Variants in ADGRL3 observed in about 807,000 individuals in gnomAD.
ADGRL3 encodes the protein calcium-independent alpha-latrotoxin receptor 3.
Under a neutral mutation model 153.5 loss-of-function variants are expected in ADGRL3, and 62 were observed. That is an observed-to-expected ratio of 0.40 (90% CI 0.33 to 0.50). ADGRL3 has a LOEUF of 0.50. Ranked by LOEUF, ADGRL3 falls within the 20% of genes least tolerant of loss-of-function variation. The pLI, the probability that ADGRL3 is intolerant of heterozygous loss-of-function variation, is 0.47. For missense variants in ADGRL3, 1,641 were observed against 1,859.4 expected (o/e 0.88, Z 2.16); for synonymous variants, 710 against 672.5 (o/e 1.06, Z -0.86).
chr4:61,799,563 T>G (rs1435331688), intron 8 of ADGRL3, among the ~76,000 whole-genome samples: 1 of 152,140 alleles, frequency 6.6e-6, no homozygotes, highest in South Asian at 2.1e-4. Context: ...CTATGAAATA[T>G]CTATCAATAG....
chr4:61,957,091 A>G (rs2098970054), intron 17 of ADGRL3, among the ~76,000 whole-genome samples: 1 of 152,144 alleles, frequency 6.6e-6, no homozygotes, highest in African/African-American at 2.4e-5. Context: ...TGGCAGTTTG[A>G]TGGAAATATC....
At chr4:61,563,738 G>T (rs926333601) in intron 4 of ADGRL3, among the ~76,000 whole-genome samples, 3 of 152,096 alleles carry the variant, frequency 2.0e-5, no homozygotes, top group Non-Finnish European at 4.4e-5. Context: ...GGCCAGGCAC[G>T]GTGGCTCACG....
chr4:61,431,586 C>T (rs940015223), intron 2 of ADGRL3, among the ~76,000 whole-genome samples: 1 of 152,080 alleles, frequency 6.6e-6, no homozygotes, highest in Non-Finnish European at 1.5e-5. Context: ...GGGCAGAGAA[C>T]AAACTAAGTA....
At chr4:61,799,332 A>C (rs1445706956) in intron 8 of ADGRL3, among the ~76,000 whole-genome samples, 1 of 152,032 alleles carries the variant, frequency 6.6e-6, no homozygotes, top group Non-Finnish European at 1.5e-5. Context: ...GATAGTCAAT[A>C]TTTTAGGTTT....
At chr4:61,864,960 G>A (rs529723338) in intron 9 of ADGRL3, among the ~76,000 whole-genome samples, 5 of 152,218 alleles carry the variant, frequency 3.3e-5, no homozygotes, top group East Asian at 3.9e-4. Context: ...ACACTATCAC[G>A]TTTGTTACTT....
rs896880563 is a variant in ADGRL3 at position 61,345,640 on chromosome 4, A to G, written c.-239-37484A>G. ...TTAACTCATTAAGGAAATTGTACCTAGAATGTAGTCATTATTGGAACTTTC... is the reference window on the plus strand; with the variant it reads ...TTAACTCATTAAGGAAATTGTACCTGGAATGTAGTCATTATTGGAACTTTC... On this transcript the variant is annotated intron_variant, in intron 1 of 26. Coordinates refer to ENST00000683033, the MANE Select transcript of ADGRL3 (RefSeq NM_001387552.1). Among the ~76,000 whole-genome samples, 3 of 152,322 alleles carry G rather than the reference A, an allele frequency of 2.0e-5. No homozygotes were observed. In the East Asian group the frequency reaches 5.8e-4, roughly 29 times the overall value.
intron 24 of ADGRL3, 77 bp downstream of exon 24, chr4:62,037,933 T>G (rs1306745842): frequency 1.3e-6 from 2 of 1,537,928 alleles, no homozygotes; most frequent in Non-Finnish European, 1.8e-6. Flanking sequence ...GGAGCTAATT[T>G]CTAGCCTGTG....
chr4:61,807,335 CTT>C (rs57297844), intron 8 of ADGRL3, among the ~76,000 whole-genome samples: 64 of 148,676 alleles, frequency 4.3e-4, no homozygotes, highest in Admixed American at 1.9e-3. Context: ...TTTTTTTTAA[CTT>C]TTTTTTTTTT....
chr4:62,071,637 GA>G lies in ADGRL3; in HGVS notation c.*741del, dbSNP rs749662813. 0.04 allele frequency: 11,945 copies of G among 295,130 alleles called. 1 individual carries two copies. Among genetic ancestry groups the G allele is most frequent in the South Asian group, 0.069 (2,370 of 34,414 alleles). The allele number at this position is 295,130 out of a possible 1,614,324, so 18.3% of individuals were successfully genotyped here. ...GAATTTGAGTCCTGTTAATGTAGTA[GA>G]AAAAAAAAAAAGAAATTTTCTTTTT... On this transcript the variant is annotated 3_prime_UTR_variant, in exon 27 of 27. Transcript: ENST00000683033.
At chr4:61,221,232 A>AT (rs1490142534) in intron 1 of ADGRL3, among the ~76,000 whole-genome samples, 1 of 152,204 alleles carries the variant, frequency 6.6e-6, no homozygotes, top group Non-Finnish European at 1.5e-5. Flanking sequence ...ATTGGATATT[A>AT]TGAGAAAAAC....
At chr4:62,002,614 A>T (rs114338952) in intron 21 of ADGRL3, among the ~76,000 whole-genome samples, 165 of 152,102 alleles carry the variant, frequency 1.1e-3, no homozygotes, top group Middle Eastern at 3.4e-3. Context: ...AGGGGAAATG[A>T]GGTATGCCAA....
At chr4:61,869,318 G>T (rs963181386) in intron 9 of ADGRL3, among the ~76,000 whole-genome samples, 4 of 152,108 alleles carry the variant, frequency 2.6e-5, no homozygotes, top group Admixed American at 6.5e-5. Flanking sequence ...TAAAAATGAG[G>T]CCGGGCGCGG....
At chr4:61,411,142 T>C (rs150496336) in intron 2 of ADGRL3, among the ~76,000 whole-genome samples, 9 of 152,290 alleles carry the variant, frequency 5.9e-5, no homozygotes, top group African/African-American at 1.9e-4. Context: ...TCTATAAACC[T>C]ATTCAGATTT....
At chr4:61,489,688 C>A (rs1439395546) in intron 2 of ADGRL3, among the ~76,000 whole-genome samples, 1 of 151,906 alleles carries the variant, frequency 6.6e-6, no homozygotes. Context: ...ATGTCACTAT[C>A]TAAATAATAG....
intron 3 of ADGRL3, among the ~76,000 whole-genome samples, chr4:61,516,223 T>C (rs919273335): frequency 6.6e-6 from 1 of 152,148 alleles, no homozygotes; most frequent in African/African-American, 2.4e-5. Flanking sequence ...CAAGAAATTA[T>C]GGCACCACTG....
intron 6 of ADGRL3, among the ~76,000 whole-genome samples, chr4:61,727,425 G>C (rs957411278): frequency 4.6e-5 from 7 of 152,028 alleles, no homozygotes; most frequent in African/African-American, 1.7e-4. Context: ...AGACAAACTC[G>C]TTTCAAAAAC....
intron 6 of ADGRL3, among the ~76,000 whole-genome samples, chr4:61,710,951 C>T (rs2095966783): frequency 6.6e-6 from 1 of 152,102 alleles, no homozygotes; most frequent in South Asian, 2.1e-4. Context: ...AACATTCCAT[C>T]CAGCAGACAT....
intron 21 of ADGRL3, among the ~76,000 whole-genome samples, chr4:62,010,621 A>T (rs528827224): frequency 3.3e-5 from 5 of 152,286 alleles, no homozygotes; most frequent in African/African-American, 9.6e-5. Flanking sequence ...AACAGTTTTT[A>T]AAAAATCAAG....
intron 1 of ADGRL3, among the ~76,000 whole-genome samples, chr4:61,285,435 G>A (rs935726680): frequency 1.3e-5 from 2 of 151,584 alleles, no homozygotes; most frequent in African/African-American, 2.4e-5. Flanking sequence ...ATTTTTCCTC[G>A]GTTTCTCAAC....
Sources: gnomAD v4.1 joint callset for allele counts (sites outside exome capture counted in the v4.1 genomes callset) on GRCh38, gnomAD v4.1.1 for gene constraint, MANE v1.5 for transcripts, NCBI Gene and HGNC (gene_info 2026-07-23, HGNC 2026-07-21) for gene names.